Variants in CTNNA3 observed in about 807,000 individuals in gnomAD.
CTNNA3 encodes catenin alpha 3.
Under a neutral mutation model 95.7 loss-of-function variants are expected in CTNNA3, and 76 were observed. That is an observed-to-expected ratio of 0.79 (90% CI 0.66 to 0.96). CTNNA3 has a LOEUF of 0.96. Among genes scored for constraint, CTNNA3 ranks in the 40% least tolerant of loss-of-function variants. The probability of loss-of-function intolerance (pLI) is 0.00; values close to 1 mark genes in which losing one functional copy is unlikely to be tolerated. For missense variants in CTNNA3, 1,191 were observed against 1,089.8 expected, an observed-to-expected ratio of 1.09 and a Z score of -1.31; for synonymous variants, 431 against 374.4, an observed-to-expected ratio of 1.15 and a Z score of -1.74.
chr10:66,310,401 G>A (rs2092001123), intron 12 of CTNNA3, among the ~76,000 whole-genome samples: 2 of 152,054 alleles, frequency 1.3e-5, no homozygotes. Context: ...ATTTAGTTCA[G>A]TACCCCACGA....
At chr10:67,588,564 G>T (rs558017426) in intron 3 of CTNNA3, among the ~76,000 whole-genome samples, 2 of 151,930 alleles carry the variant, frequency 1.3e-5, no homozygotes, top group Non-Finnish European at 2.9e-5. Flanking sequence ...TGGACCTGTC[G>T]TCAGGCTTTA....
chr10:66,887,561 T>C (rs946232138), intron 7 of CTNNA3, among the ~76,000 whole-genome samples: 1 of 151,822 alleles, frequency 6.6e-6, no homozygotes, highest in African/African-American at 2.4e-5. Context: ...ACCTTAACAA[T>C]TCATCAGGGC....
chr10:66,466,040 T>C (rs1018242319), intron 11 of CTNNA3, among the ~76,000 whole-genome samples: 1 of 152,012 alleles, frequency 6.6e-6, no homozygotes, highest in Non-Finnish European at 1.5e-5. Context: ...TTGAGGTTAG[T>C]TTTTAAATCA....
chr10:66,847,783 T>A (rs1222060171), intron 7 of CTNNA3, among the ~76,000 whole-genome samples: 1 of 152,212 alleles, frequency 6.6e-6, no homozygotes, highest in African/African-American at 2.4e-5. Flanking sequence ...GGTAAGGGTA[T>A]AAATGTAAAA....
chr10:67,602,520 T>C (rs1843117268), intron 3 of CTNNA3, among the ~76,000 whole-genome samples: 1 of 152,220 alleles, frequency 6.6e-6, no homozygotes, highest in Non-Finnish European at 1.5e-5. Context: ...GAATCTGTTG[T>C]GTATACAGCA....
At chr10:66,185,388 A>G (rs1278729552) in intron 13 of CTNNA3, among the ~76,000 whole-genome samples, 1 of 152,106 alleles carries the variant, frequency 6.6e-6, no homozygotes, top group Non-Finnish European at 1.5e-5. Flanking sequence ...TGCTTCAAAG[A>G]GCATTATTTG....
intron 10 of CTNNA3, among the ~76,000 whole-genome samples, chr10:66,556,522 T>TAC: frequency 6.6e-6 from 1 of 152,028 alleles, no homozygotes; most frequent in Non-Finnish European, 1.5e-5. Context: ...CATATATATA[T>TAC]ACACACAGTG....
chr10:66,418,123 A>C (rs1564943187), intron 11 of CTNNA3, among the ~76,000 whole-genome samples: 1 of 151,292 alleles, frequency 6.6e-6, no homozygotes, highest in Non-Finnish European at 1.5e-5. Context: ...AAAAAAAAAA[A>C]AAACTACGAG....
chr10:66,472,949 A>C (rs1056935767), intron 11 of CTNNA3, among the ~76,000 whole-genome samples: 2 of 151,984 alleles, frequency 1.3e-5, no homozygotes, highest in African/African-American at 4.8e-5. Context: ...AAAGTTTTAT[A>C]AAATGACATT....
chr10:66,379,435 C>G, intron 11 of CTNNA3, 83 bp from the exon 12 acceptor site: 1 of 1,138,874 alleles, frequency 8.8e-7, no homozygotes, highest in South Asian at 1.4e-5. Flanking sequence ...ATTATGTTAA[C>G]TTCTGACTTC....
chr10:67,661,047 C>T (rs1443740014), intron 1 of CTNNA3, among the ~76,000 whole-genome samples: 1 of 151,688 alleles, frequency 6.6e-6, no homozygotes, highest in Non-Finnish European at 1.5e-5. Flanking sequence ...TGCAGAGAAA[C>T]AAATACTCTT....
At chr10:67,065,726 A>G (rs1856033622) in intron 7 of CTNNA3, among the ~76,000 whole-genome samples, 1 of 152,264 alleles carries the variant, frequency 6.6e-6, no homozygotes, top group African/African-American at 2.4e-5. Context: ...AAACTAAGCC[A>G]CACGATAAAG....
At chr10:67,634,162 TGG>T (rs1297285653) in intron 2 of CTNNA3, among the ~76,000 whole-genome samples, 1 of 152,088 alleles carries the variant, frequency 6.6e-6, no homozygotes, top group Non-Finnish European at 1.5e-5. Flanking sequence ...CAGAAGAGAT[TGG>T]GGGCCAATAT....
intron 11 of CTNNA3, among the ~76,000 whole-genome samples, chr10:66,512,526 A>G (rs1589358910): frequency 6.6e-6 from 1 of 151,892 alleles, no homozygotes; most frequent in African/African-American, 2.4e-5. Context: ...TCTCATTTGC[A>G]TATCTGCTTT....
At chr10:66,397,014 T>G (rs2092983469) in intron 11 of CTNNA3, among the ~76,000 whole-genome samples, 1 of 151,720 alleles carries the variant, frequency 6.6e-6, no homozygotes, top group Non-Finnish European at 1.5e-5. Flanking sequence ...TCAGGCTATG[T>G]ATCTATTAAA....
At chr10:66,164,899 A>G (rs1036503353) in intron 13 of CTNNA3, among the ~76,000 whole-genome samples, 2 of 152,148 alleles carry the variant, frequency 1.3e-5, no homozygotes, top group Non-Finnish European at 2.9e-5. Flanking sequence ...TTTTAAATGA[A>G]TCTTCTGTAG....
intron 7 of CTNNA3, among the ~76,000 whole-genome samples, chr10:66,934,414 A>C (rs139163667): frequency 1.7e-3 from 260 of 152,256 alleles, no homozygotes; most frequent in African/African-American, 6.2e-3. Flanking sequence ...AACACAATTC[A>C]GTCATTTGGC....
intron 5 of CTNNA3, among the ~76,000 whole-genome samples, chr10:67,333,091 G>A (rs1200459445): frequency 6.6e-6 from 1 of 152,198 alleles, no homozygotes; most frequent in Admixed American, 6.5e-5. Context: ...GCAATGAAAA[G>A]TGTAAGCATG....
chr10:66,587,633 G>T (rs1043722814), intron 10 of CTNNA3, among the ~76,000 whole-genome samples: 1 of 152,122 alleles, frequency 6.6e-6, no homozygotes, highest in Non-Finnish European at 1.5e-5. Context: ...TAGCACAGCT[G>T]CCTCTGTTGC....
Sources: allele counts gnomAD v4.1 joint callset (sites outside exome capture counted in the v4.1 genomes callset), GRCh38; gene constraint gnomAD v4.1.1; transcripts MANE v1.5; gene names NCBI Gene and HGNC (gene_info 2026-07-23, HGNC 2026-07-21).